Variants in IL1RAP observed in about 807,000 individuals in gnomAD.
IL1RAP encodes the protein interleukin-1 receptor accessory protein.
In IL1RAP, 35 loss-of-function variants were observed where a neutral mutation model predicts 60.7. The ratio of observed to expected loss-of-function variants is 0.58; its 90% confidence interval spans 0.44 to 0.76. IL1RAP has a LOEUF of 0.76. IL1RAP is among the 30% of genes least tolerant of loss of function. The pLI, the probability that IL1RAP is intolerant of heterozygous loss-of-function variation, is 0.00. For missense variants in IL1RAP, 572 were observed against 693.9 expected, an observed-to-expected ratio of 0.82 and a Z score of 1.97; for synonymous variants, 268 against 250.9, an observed-to-expected ratio of 1.07 and a Z score of -0.64.
At chr3:190,554,679 G>C (rs944780956) in intron 1 of IL1RAP, 1 of 151,678 alleles carries the variant, frequency 6.6e-6, no homozygotes, top group African/African-American at 2.4e-5. Flanking sequence ...TTTCATCTCG[G>C]ATTTTGGAGG....
chr3:190,649,989 C>A lies in IL1RAP; in HGVS notation c.*1284C>A. On this transcript the variant is annotated 3_prime_UTR_variant, in exon 12 of 12. Coordinates refer to ENST00000447382, the MANE Select transcript of IL1RAP (RefSeq NM_002182.4). ...TATATATCTTATATCTCCACAAACA[C>A]AAATTATATATATACATATCCACAC... 1 of 639,412 alleles carries A rather than the reference C, an allele frequency of 1.6e-6. No homozygotes were observed. Among genetic ancestry groups the A allele is most frequent in the Non-Finnish European group, 1.9e-6 (1 of 514,920 alleles). The allele number at this position is 639,412 out of a possible 1,614,324, so 39.6% of individuals were successfully genotyped here. A position where few individuals can be genotyped will look rare whatever the true frequency, so the allele number is the denominator to read the frequency against.
downstream of IL1RAP, among the ~76,000 whole-genome samples, chr3:190,654,808 C>T (rs1734557906): frequency 1.3e-5 from 2 of 152,192 alleles, no homozygotes; most frequent in Admixed American, 1.3e-4. Flanking sequence ...CTAGGATTTA[C>T]AATTTTGAAC....
intron 3 of IL1RAP, among the ~76,000 whole-genome samples, chr3:190,572,436 G>A (rs1727003700): frequency 7.2e-6 from 1 of 138,204 alleles, no homozygotes; most frequent in African/African-American, 2.5e-5. Flanking sequence ...AATAATGAGG[G>A]AGAGAGGAAG....
intron 6 of IL1RAP, among the ~76,000 whole-genome samples, chr3:190,620,914 C>A (rs1203173712): frequency 6.6e-6 from 1 of 152,160 alleles, no homozygotes; most frequent in Non-Finnish European, 1.5e-5. Context: ...TTTCTACATA[C>A]TGAAACTGCT....
intron 3 of IL1RAP, among the ~76,000 whole-genome samples, chr3:190,569,543 G>C (rs1726727479): frequency 6.7e-6 from 1 of 150,098 alleles, no homozygotes; most frequent in Non-Finnish European, 1.5e-5. Context: ...ATTTCACCCT[G>C]TTGTCATTTA....
intron 9 of IL1RAP, among the ~76,000 whole-genome samples, chr3:190,638,895 A>G (rs187707341): frequency 4.2e-4 from 64 of 151,996 alleles, no homozygotes; most frequent in Non-Finnish European, 2.4e-4. Flanking sequence ...AAGTGTATCT[A>G]TTTCTTTTCT....
downstream of IL1RAP, among the ~76,000 whole-genome samples, chr3:190,655,376 A>G (rs1456095610): frequency 2.6e-5 from 4 of 152,190 alleles, no homozygotes; most frequent in Non-Finnish European, 5.9e-5. Flanking sequence ...TAAGAAGAAA[A>G]TACTACAAAG....
At chr3:190,655,343 C>T (rs1734579755), downstream of IL1RAP, among the ~76,000 whole-genome samples, 1 of 151,928 alleles carries the variant, frequency 6.6e-6, no homozygotes, top group East Asian at 1.9e-4. Flanking sequence ...AGAGAAATAT[C>T]CTGAAAATAT....
At chr3:190,598,111 A>G (rs1330443675) in intron 3 of IL1RAP, among the ~76,000 whole-genome samples, 1 of 152,194 alleles carries the variant, frequency 6.6e-6, no homozygotes, top group Non-Finnish European at 1.5e-5. Context: ...AGAGTGGGTT[A>G]TAGGAAAGAT....
intron 9 of IL1RAP, among the ~76,000 whole-genome samples, chr3:190,637,231 T>C (rs747767205): frequency 4.6e-5 from 7 of 152,208 alleles, no homozygotes; most frequent in Non-Finnish European, 1.0e-4. Context: ...TTTCTGACAC[T>C]ATCCATTCTT....
At chr3:190,564,168 T>C (rs1468021073) in intron 2 of IL1RAP, 121 bp from the exon 3 acceptor site, 3 of 640,000 alleles carry the variant, frequency 4.7e-6, no homozygotes, top group Admixed American at 2.6e-5. Context: ...AATTTGTTAA[T>C]ATTGTAAAAT....
intron 9 of IL1RAP, among the ~76,000 whole-genome samples, chr3:190,632,563 A>G (rs888380541): frequency 2.6e-5 from 4 of 152,148 alleles, no homozygotes; most frequent in Non-Finnish European, 5.9e-5. Context: ...TTGTGAATTC[A>G]TTTTCTTTTA....
chr3:190,530,347 G>C (rs1722886402), intron 1 of IL1RAP, among the ~76,000 whole-genome samples: 1 of 152,142 alleles, frequency 6.6e-6, no homozygotes, highest in Admixed American at 6.5e-5. Flanking sequence ...CTGTATTTTA[G>C]ATCTGGCTTA....
intron 1 of IL1RAP, among the ~76,000 whole-genome samples, chr3:190,536,049 C>T (rs373157416): frequency 8.5e-5 from 13 of 152,228 alleles, no homozygotes; most frequent in South Asian, 4.1e-4. Context: ...TATTGAAATA[C>T]GTAAGACTCT....
intron 9 of IL1RAP, among the ~76,000 whole-genome samples, chr3:190,638,486 T>C (rs944877022): frequency 8.5e-5 from 13 of 152,194 alleles, no homozygotes; most frequent in African/African-American, 1.7e-4. Flanking sequence ...TCTTAGCTGT[T>C]CTTCATCTGT....
At chr3:190,564,428 T>G in intron 3 of IL1RAP, 75 bp downstream of exon 3, 1 of 906,802 alleles carries the variant, frequency 1.1e-6, no homozygotes, top group Non-Finnish European at 1.9e-6. Context: ...TTCCTGAAAA[T>G]GAATTTAAAT....
Position 190,648,917 on chromosome 3 carries a change from C to T in IL1RAP, c.*212C>T. ...ATATCATCAACGTTCTGTCACCAGTCTCTGATGCCACTATGTTCTTTGCAG... is the reference window on the plus strand; with the variant it reads ...ATATCATCAACGTTCTGTCACCAGTTTCTGATGCCACTATGTTCTTTGCAG... On this transcript the variant is annotated 3_prime_UTR_variant, in exon 12 of 12. Coordinates refer to ENST00000447382, the MANE Select transcript of IL1RAP (RefSeq NM_002182.4). The T allele has an allele frequency of 1.5e-6, 2 of 1,343,558 alleles. No homozygotes were observed. Among genetic ancestry groups the T allele is most frequent in the South Asian group, 1.9e-5 (1 of 51,982 alleles). 83.2% of individuals were successfully genotyped at this position (1,343,558 alleles called of 1,614,324 possible).
intron 4 of IL1RAP, among the ~76,000 whole-genome samples, chr3:190,606,272 A>T (rs1181869064): frequency 6.6e-6 from 1 of 152,202 alleles, no homozygotes; most frequent in Non-Finnish European, 1.5e-5. Context: ...TGGAAAGAGC[A>T]TTAGGAGAAG....
intron 1 of IL1RAP, among the ~76,000 whole-genome samples, chr3:190,540,787 C>T (rs1289952438): frequency 6.6e-6 from 1 of 152,020 alleles, no homozygotes; most frequent in Non-Finnish European, 1.5e-5. Flanking sequence ...TATTCTTAAA[C>T]AAGCATTAAA....
Sources: gnomAD v4.1 joint callset for allele counts (sites outside exome capture counted in the v4.1 genomes callset) on GRCh38, gnomAD v4.1.1 for gene constraint, MANE v1.5 for transcripts, NCBI Gene and HGNC (gene_info 2026-07-23, HGNC 2026-07-21) for gene names.